BTBD10: variants seen among roughly 807,000 people sequenced by gnomAD.
BTBD10 encodes the protein BTB domain containing 10.
A neutral mutation model predicts 53.2 loss-of-function variants in BTBD10; 21 were observed. That is an observed-to-expected ratio of 0.39 (90% CI 0.28 to 0.57). The LOEUF (loss-of-function observed/expected upper bound fraction) is 0.57. Among genes scored for constraint, BTBD10 ranks in the 20% least tolerant of loss-of-function variants. The pLI, the probability that BTBD10 is intolerant of heterozygous loss-of-function variation, is 0.53. For missense variants in BTBD10, 360 were observed against 594.7 expected (o/e 0.61, Z 4.10); for synonymous variants, 149 against 192.7 (o/e 0.77, Z 1.88).
chr11:13,403,108 T>C (rs1023543920), intron 8 of BTBD10, 60 bp downstream of exon 8: 17 of 1,052,748 alleles, frequency 1.6e-5, no homozygotes, highest in Middle Eastern at 3.1e-4. Flanking sequence ...TAAGATCCAA[T>C]TGTTTTTAAC....
chr11:13,422,394 T>C (rs1311739057), intron 2 of BTBD10, among the ~76,000 whole-genome samples: 1 of 152,196 alleles, frequency 6.6e-6, no homozygotes, highest in Non-Finnish European at 1.5e-5. Context: ...ACACCTGTAA[T>C]CCCAACGCTT....
chr11:13,416,818 A>C (rs1211990777), intron 5 of BTBD10, among the ~76,000 whole-genome samples: 2 of 151,992 alleles, frequency 1.3e-5, no homozygotes, highest in Non-Finnish European at 2.9e-5. Context: ...CTCTATAAAA[A>C]ATGAAAACAA....
At chr11:13,440,856 C>T (rs544117326) in intron 2 of BTBD10, among the ~76,000 whole-genome samples, 1 of 152,108 alleles carries the variant, frequency 6.6e-6, no homozygotes, top group African/African-American at 2.4e-5. Context: ...GACATTTTAA[C>T]CTTCTTATAC....
intron 1 of BTBD10, among the ~76,000 whole-genome samples, chr11:13,450,946 G>A (rs949599454): frequency 1.3e-5 from 2 of 152,202 alleles, no homozygotes; most frequent in South Asian, 2.1e-4. Context: ...ACAGAATCAC[G>A]AGTTCAGTTT....
chr11:13,424,017 TA>T (rs145745744), intron 2 of BTBD10, among the ~76,000 whole-genome samples: 23,893 of 152,138 alleles, frequency 0.16, 2,072 homozygotes, highest in Admixed American at 0.24. Flanking sequence ...TTTATGTTTT[TA>T]AAAAATCATT....
At chr11:13,437,968 T>C (rs1248396767) in intron 2 of BTBD10, among the ~76,000 whole-genome samples, 1 of 152,162 alleles carries the variant, frequency 6.6e-6, no homozygotes, top group Non-Finnish European at 1.5e-5. Context: ...ATGAATTCTT[T>C]ACCTCTATAC....
chr11:13,399,987 G>A (rs917048513), intron 8 of BTBD10, among the ~76,000 whole-genome samples: 8 of 152,278 alleles, frequency 5.3e-5, no homozygotes, highest in South Asian at 2.1e-4. Flanking sequence ...TAGGCTACTC[G>A]GGGCTCAGGG....
In BTBD10 at chr11:13,397,675, A is replaced by G. The variant is rs534135053; in HGVS notation, c.1117+5493T>C. ...ATCTTTCCTGCTTTCTCTTGTGGGC[A>G]TTTAGTGCTATAAATTTCCCTCTAC... On this transcript the variant is annotated intron_variant, in intron 8 of 8. Coordinates refer to ENST00000278174, the MANE Select transcript of BTBD10 (RefSeq NM_032320.7). 4.6e-5 allele frequency among the ~76,000 whole-genome samples: 7 copies of G among 152,272 alleles called. No individual in the cohort carries two copies. In the South Asian group the frequency reaches 6.2e-4, roughly 14 times the overall value.
intron 8 of BTBD10, among the ~76,000 whole-genome samples, chr11:13,390,120 C>G (rs993243943): frequency 1.3e-5 from 2 of 152,040 alleles, no homozygotes; most frequent in Non-Finnish European, 2.9e-5. Flanking sequence ...CTAGTAAGGC[C>G]ACTTCTCCAA....
At chr11:13,403,642 G>A (rs1246681707) in intron 7 of BTBD10, among the ~76,000 whole-genome samples, 1 of 152,120 alleles carries the variant, frequency 6.6e-6, no homozygotes, top group Non-Finnish European at 1.5e-5. Context: ...GCAAAGTAAA[G>A]GACTTTGCTA....
intron 8 of BTBD10, among the ~76,000 whole-genome samples, chr11:13,399,713 A>C (rs1223891347): frequency 1.3e-5 from 2 of 152,188 alleles, no homozygotes; most frequent in Non-Finnish European, 2.9e-5. Context: ...GGTGACGTAC[A>C]GATGGGTTTT....
intron 5 of BTBD10, among the ~76,000 whole-genome samples, chr11:13,415,657 G>C: frequency 6.6e-6 from 1 of 151,360 alleles, no homozygotes; most frequent in East Asian, 1.9e-4. Context: ...ATCACACTTT[G>C]TACTTTTATA....
intron 2 of BTBD10, among the ~76,000 whole-genome samples, chr11:13,444,301 CAAT>C (rs138461701): frequency 0.034 from 5,178 of 151,434 alleles, 287 homozygotes; most frequent in African/African-American, 0.12. Context: ...GTTAAATGCT[CAAT>C]AATATCCCCT....
chr11:13,440,383 G>T, intron 2 of BTBD10: 1 of 872,476 alleles, frequency 1.1e-6, no homozygotes, highest in Non-Finnish European at 1.4e-6. Context: ...GAGATATGTA[G>T]ATATGTTGCC....
At chr11:13,439,584 ACT>A (rs926389169) in intron 2 of BTBD10, among the ~76,000 whole-genome samples, 154 of 152,174 alleles carry the variant, frequency 1.0e-3, no homozygotes, top group African/African-American at 2.8e-3. Context: ...TTGCAAAATT[ACT>A]CTCTCCTTAA....
chr11:13,398,002 A>G (rs967582861), intron 8 of BTBD10, among the ~76,000 whole-genome samples: 16 of 152,308 alleles, frequency 1.1e-4, no homozygotes, highest in African/African-American at 3.1e-4. Flanking sequence ...GTGGTGCTGA[A>G]AAGAATGTAT....
chr11:13,435,783 G>A (rs554081599), intron 2 of BTBD10, among the ~76,000 whole-genome samples: 21 of 152,254 alleles, frequency 1.4e-4, no homozygotes, highest in East Asian at 3.9e-4. Context: ...GAGCCACCAC[G>A]CCCGGCCACA....
intron 1 of BTBD10, among the ~76,000 whole-genome samples, chr11:13,461,007 G>A (rs1214452298): frequency 6.6e-6 from 1 of 152,100 alleles, no homozygotes; most frequent in African/African-American, 2.4e-5. Context: ...CAGTTAAAAC[G>A]TTTATAGTAA....
chr11:13,450,113 T>C (rs997822185), intron 1 of BTBD10, among the ~76,000 whole-genome samples: 4 of 152,102 alleles, frequency 2.6e-5, no homozygotes, highest in Non-Finnish European at 5.9e-5. Context: ...AGAGGGGGAA[T>C]AGTGAAGAGG....
Sources: gnomAD v4.1 joint callset for allele counts (sites outside exome capture counted in the v4.1 genomes callset) on GRCh38, gnomAD v4.1.1 for gene constraint, MANE v1.5 for transcripts, NCBI Gene and HGNC (gene_info 2026-07-23, HGNC 2026-07-21) for gene names.